The following CAST variants were observed in gnomAD, a reference collection of about 807,000 sequenced individuals.
CAST encodes calpastatin.
CAST carries 76 observed loss-of-function variants against 119.6 expected under a neutral mutation model. That is an observed-to-expected ratio of 0.64 (90% CI 0.53 to 0.77). The LOEUF is 0.77. CAST is among the 30% of genes least tolerant of loss of function. CAST has a pLI of 0.00. For missense variants in CAST, 953 were observed against 946.5 expected (o/e 1.01, Z -0.09); for synonymous variants, 319 against 331.6 (o/e 0.96, Z 0.41).
chr5:96,212,986 G>T, the CAST span, among the ~76,000 whole-genome samples: 1 of 152,122 alleles, frequency 6.6e-6, no homozygotes, highest in Non-Finnish European at 1.5e-5. Context: ...GGGCATGGTG[G>T]TGCACACCCG....
the CAST span, among the ~76,000 whole-genome samples, chr5:96,001,809 G>C: frequency 6.6e-6 from 1 of 152,056 alleles, no homozygotes; most frequent in Non-Finnish European, 1.5e-5. Context: ...TACTTCCTGA[G>C]GTTTCTTTAA....
chr5:96,579,675 T>C (rs1746737448), intron 1 of CAST, among the ~76,000 whole-genome samples: 2 of 152,204 alleles, frequency 1.3e-5, no homozygotes, highest in South Asian at 4.1e-4. Flanking sequence ...CTTGTTCTTA[T>C]CACCTTTCAG....
intron 22 of CAST, among the ~76,000 whole-genome samples, chr5:96,755,398 A>G (rs539529926): frequency 6.6e-6 from 1 of 152,298 alleles, no homozygotes; most frequent in African/African-American, 2.4e-5. Flanking sequence ...TATAAGAAAA[A>G]TTTGCAACTT....
chr5:96,048,773 A>G, the CAST span, among the ~76,000 whole-genome samples: 1 of 152,190 alleles, frequency 6.6e-6, no homozygotes, highest in African/African-American at 2.4e-5. Context: ...TTGGCCATGC[A>G]ATATTGCCAA....
rs770547929 is a variant in CAST at position 96,767,943 on chromosome 5, T to C, written c.2212T>C (p.Ser738Pro). The change falls in exon 29 of 32, where the codon TCA (serine) becomes CCA (proline). Residue 738 changes from serine (S) to proline (P), a missense_variant. By Grantham distance (74) the Ser-to-Pro change is moderately conservative. Coordinates refer to ENST00000675179, the MANE Select transcript of CAST (RefSeq NM_001750.7). ...ADDQDPIDAL[S>P]GDLDSCPSTT... is the part of the protein sequence containing the mutation. ...TGACCAAGACCCCATTGATGCTCTC[T>C]CAGGAGATCTGGACAGCTGTCCCTC... 1 of 1,613,704 alleles carries C rather than the reference T, an allele frequency of 6.2e-7. No homozygotes were observed. The highest frequency in any genetic ancestry group is 1.1e-5 in the South Asian group (1 of 91,076).
At chr5:96,021,101 A>G in the CAST span, among the ~76,000 whole-genome samples, 31 of 152,174 alleles carry the variant, frequency 2.0e-4, no homozygotes, top group African/African-American at 7.0e-4. Context: ...TTGTTTCTTT[A>G]TATGAAGTAT....
chr5:96,258,962 C>G, the CAST span, among the ~76,000 whole-genome samples: 2 of 152,002 alleles, frequency 1.3e-5, no homozygotes, highest in African/African-American at 4.8e-5. Flanking sequence ...GAAGGTCAGA[C>G]AAGATAAATC....
At chr5:96,382,738 A>T in the CAST span, among the ~76,000 whole-genome samples, 1 of 152,158 alleles carries the variant, frequency 6.6e-6, no homozygotes, top group Non-Finnish European at 1.5e-5. Context: ...GAGGTAAATG[A>T]AATTATTATT....
intron 3 of CAST, among the ~76,000 whole-genome samples, chr5:96,707,622 T>C (rs980269424): frequency 2.6e-5 from 4 of 152,128 alleles, no homozygotes; most frequent in African/African-American, 9.7e-5. Context: ...CTTGACCTCA[T>C]GATCCAATCG....
chr5:96,228,263 A>C, the CAST span, among the ~76,000 whole-genome samples: 12 of 152,248 alleles, frequency 7.9e-5, no homozygotes, highest in South Asian at 2.3e-3. Flanking sequence ...TGAGACAATT[A>C]ATTGTCTTTA....
the CAST span, among the ~76,000 whole-genome samples, chr5:96,471,306 A>T: frequency 6.6e-6 from 1 of 152,154 alleles, no homozygotes; most frequent in Non-Finnish European, 1.5e-5. Context: ...CACTGAGATT[A>T]CCATAATACT....
the CAST span, among the ~76,000 whole-genome samples, chr5:96,418,551 G>A: frequency 6.6e-6 from 1 of 152,260 alleles, no homozygotes; most frequent in South Asian, 2.1e-4. Flanking sequence ...GCATTCAAAT[G>A]TAGCTTCTAT....
chr5:96,616,302 T>C (rs1266200414), intron 1 of CAST, among the ~76,000 whole-genome samples: 2 of 152,224 alleles, frequency 1.3e-5, no homozygotes, highest in Non-Finnish European at 2.9e-5. Flanking sequence ...CATCTAAGCA[T>C]GGAAGTGATG....
At chr5:96,613,732 C>A (rs6865158) in intron 1 of CAST, among the ~76,000 whole-genome samples, 3,343 of 152,284 alleles carry the variant, frequency 0.022, 126 homozygotes, top group African/African-American at 0.069. Flanking sequence ...AACTACCTAT[C>A]TCCCTGGAGA....
At chr5:96,186,612 G>A in the CAST span, among the ~76,000 whole-genome samples, 1 of 152,132 alleles carries the variant, frequency 6.6e-6, no homozygotes, top group Non-Finnish European at 1.5e-5. Flanking sequence ...TAATTATGTG[G>A]TTTTTGACTT....
the CAST span, chr5:96,425,744 T>G: frequency 2.7e-6 from 2 of 745,192 alleles, no homozygotes; most frequent in Non-Finnish European, 4.6e-6. Context: ...AAAAAAAAAA[T>G]CCATGTTGCA....
At chr5:95,976,551 T>A in the CAST span, among the ~76,000 whole-genome samples, 3 of 152,282 alleles carry the variant, frequency 2.0e-5, no homozygotes, top group East Asian at 5.8e-4. Context: ...AGTTATAGAA[T>A]CTTCCAGATA....
At chr5:96,116,941 C>T in the CAST span, among the ~76,000 whole-genome samples, 1 of 152,106 alleles carries the variant, frequency 6.6e-6, no homozygotes, top group African/African-American at 2.4e-5. Flanking sequence ...AAGGCTCATT[C>T]CTTCTTGACT....
chr5:96,704,744 G>A (rs148725249), intron 3 of CAST, among the ~76,000 whole-genome samples: 5 of 152,166 alleles, frequency 3.3e-5, no homozygotes, highest in South Asian at 2.1e-4. Flanking sequence ...AGAACATATC[G>A]CATAGTTTTT....
Sources: allele counts gnomAD v4.1 joint callset (sites outside exome capture counted in the v4.1 genomes callset), GRCh38; gene constraint gnomAD v4.1.1; transcripts MANE v1.5; gene names NCBI Gene and HGNC (gene_info 2026-07-23, HGNC 2026-07-21).